The following ARHGAP28 variants were observed in gnomAD, a reference collection of about 807,000 sequenced individuals.
The protein encoded by ARHGAP28 is rho GTPase-activating protein 28.
Under a neutral mutation model 90.7 loss-of-function variants are expected in ARHGAP28, and 56 were observed. The observed-to-expected ratio is 0.62, with a 90% CI of 0.50 to 0.77. ARHGAP28 has a LOEUF of 0.77. Among genes scored for constraint, ARHGAP28 ranks in the 30% least tolerant of loss-of-function variants. ARHGAP28 has a pLI of 0.00. For synonymous variants in ARHGAP28, 308 were observed against 323.3 expected, an observed-to-expected ratio of 0.95 and a Z score of 0.51; for missense variants, 869 against 900.9, an observed-to-expected ratio of 0.96 and a Z score of 0.45.
intron 1 of ARHGAP28, among the ~76,000 whole-genome samples, chr18:6,735,442 A>C (rs553908825): frequency 6.6e-6 from 1 of 152,226 alleles, no homozygotes; most frequent in African/African-American, 2.4e-5. Context: ...CTGCAATCTG[A>C]CAGACTGTCC....
intron 1 of ARHGAP28, among the ~76,000 whole-genome samples, chr18:6,779,330 T>C (rs1440418841): frequency 2.0e-5 from 3 of 152,184 alleles, no homozygotes; most frequent in Non-Finnish European, 2.9e-5. Context: ...TCCTCCTCCA[T>C]CTGCTGATTA....
At chr18:6,743,066 G>A (rs989909452) in intron 1 of ARHGAP28, among the ~76,000 whole-genome samples, 1 of 152,052 alleles carries the variant, frequency 6.6e-6, no homozygotes, top group Admixed American at 6.6e-5. Context: ...AGAAAATACA[G>A]GCAGAAAGTA....
At chr18:6,854,871 C>T (rs4536541) in intron 4 of ARHGAP28, among the ~76,000 whole-genome samples, 1 of 152,094 alleles carries the variant, frequency 6.6e-6, no homozygotes, top group Non-Finnish European at 1.5e-5. Context: ...GGCCTCTCCC[C>T]GCTCCTGGCT....
chr18:6,730,612 G>A (rs1309862061), intron 1 of ARHGAP28, among the ~76,000 whole-genome samples: 1 of 152,150 alleles, frequency 6.6e-6, no homozygotes, highest in Admixed American at 6.5e-5. Context: ...ATTTAATCAA[G>A]GATCTATGTT....
At chr18:6,890,646 T>C in intron 14 of ARHGAP28, 103 bp downstream of exon 14, 1 of 647,888 alleles carries the variant, frequency 1.5e-6, no homozygotes, top group East Asian at 2.7e-5. Flanking sequence ...CATTTTATAT[T>C]CTCAAGGATC....
intron 1 of ARHGAP28, among the ~76,000 whole-genome samples, chr18:6,770,859 T>G (rs2056237123): frequency 6.6e-6 from 1 of 152,102 alleles, no homozygotes; most frequent in Non-Finnish European, 1.5e-5. Flanking sequence ...GAATGAAGAC[T>G]TGTGAAAGTC....
chr18:6,797,887 C>G (rs1356383948), intron 1 of ARHGAP28, among the ~76,000 whole-genome samples: 1 of 152,146 alleles, frequency 6.6e-6, no homozygotes, highest in Non-Finnish European at 1.5e-5. Context: ...GTCTCGATCT[C>G]CTCACCTTGT....
intron 5 of ARHGAP28, among the ~76,000 whole-genome samples, chr18:6,866,887 C>G (rs2057041998): frequency 6.6e-6 from 1 of 152,202 alleles, no homozygotes; most frequent in South Asian, 2.1e-4. Context: ...AGAGTCTTCT[C>G]TCCCATAGGT....
intron 1 of ARHGAP28, among the ~76,000 whole-genome samples, chr18:6,783,569 G>A (rs1166737035): frequency 6.6e-6 from 1 of 151,850 alleles, no homozygotes; most frequent in Non-Finnish European, 1.5e-5. Context: ...CCAAAGTGCT[G>A]GGATTACAGG....
chr18:6,770,920 C>G (rs535263721), intron 1 of ARHGAP28, among the ~76,000 whole-genome samples: 42 of 152,314 alleles, frequency 2.8e-4, no homozygotes, highest in African/African-American at 1.0e-3. Flanking sequence ...GATTCTTTTT[C>G]ATCAGCCCAA....
rs1242129598 is a variant in ARHGAP28 at position 6,859,834 on chromosome 18, T to C, written c.663T>C (p.Thr221=). 2 of 1,614,064 alleles carry C rather than the reference T, an allele frequency of 1.2e-6. No individual in the cohort carries two copies. The highest frequency in any genetic ancestry group is 2.7e-5 in the African/African-American group (2 of 74,938). The change falls in exon 5 of 18, where the codon ACT becomes ACC. Residue 221 remains threonine, a synonymous_variant. Coordinates refer to ENST00000383472, the MANE Select transcript of ARHGAP28 (RefSeq NM_001366230.1). ...SMPDDASLNS[T]TLSDASQDKE... ...CAGATGATGCTTCTCTCAACAGTACTACCCTGTCTGACGCATCCCAGGATA... is the reference window on the plus strand; with the variant it reads ...CAGATGATGCTTCTCTCAACAGTACCACCCTGTCTGACGCATCCCAGGATA...
intron 11 of ARHGAP28, among the ~76,000 whole-genome samples, chr18:6,885,508 C>G (rs140287391): frequency 6.6e-6 from 1 of 152,256 alleles, no homozygotes; most frequent in East Asian, 1.9e-4. Context: ...AATTAAAGGA[C>G]TAGTATCATC....
chr18:6,896,657 A>G, intron 16 of ARHGAP28, 31 bp downstream of exon 16: 3 of 1,611,430 alleles, frequency 1.9e-6, no homozygotes, highest in Non-Finnish European at 2.5e-6. Flanking sequence ...GTCTCTGCAC[A>G]AGAAGGAAAA....
Position 6,806,907 on chromosome 18 carries a change from A to G in ARHGAP28, c.123-17855A>G, listed in dbSNP as rs542860062. Among the ~76,000 whole-genome samples, 5 of 152,280 alleles carry G rather than the reference A, an allele frequency of 3.3e-5. No homozygotes were observed. In the South Asian group the frequency reaches 1.0e-3, roughly 32 times the overall value. ...TTGATAGTTTTTCTTCAAGTACTTAAAAGATGTTGTTATGCTATCTTTCAG... is the reference window on the plus strand; with the variant it reads ...TTGATAGTTTTTCTTCAAGTACTTAGAAGATGTTGTTATGCTATCTTTCAG... On this transcript the variant is annotated intron_variant, in intron 1 of 17. Transcript: ENST00000383472.
intron 1 of ARHGAP28, among the ~76,000 whole-genome samples, chr18:6,743,703 A>G (rs938544916): frequency 3.3e-5 from 5 of 152,250 alleles, no homozygotes; most frequent in Non-Finnish European, 7.3e-5. Context: ...GAAAGTAAAT[A>G]TATCCCCCAG....
intron 1 of ARHGAP28, among the ~76,000 whole-genome samples, chr18:6,764,363 T>C (rs2056184208): frequency 6.6e-6 from 1 of 152,100 alleles, no homozygotes. Flanking sequence ...TGAAAAACCA[T>C]AGTGTATGTA....
At chr18:6,767,304 TTAAAA>T (rs1261726983) in intron 1 of ARHGAP28, among the ~76,000 whole-genome samples, 1 of 152,178 alleles carries the variant, frequency 6.6e-6, no homozygotes, top group Non-Finnish European at 1.5e-5. Flanking sequence ...GTCATAAACC[TTAAAA>T]TACATTATCA....
intron 2 of ARHGAP28, among the ~76,000 whole-genome samples, 163 bp downstream of exon 2, chr18:6,825,127 G>C (rs1384060118): frequency 2.0e-5 from 3 of 152,114 alleles, no homozygotes; most frequent in Non-Finnish European, 4.4e-5. Flanking sequence ...TATATCTACT[G>C]TACTGGCTCA....
chr18:6,876,283 C>G, intron 10 of ARHGAP28, 75 bp downstream of exon 10: 1 of 1,107,004 alleles, frequency 9.0e-7, no homozygotes, highest in Admixed American at 1.7e-5. Flanking sequence ...ATCGGGGATC[C>G]AGATATTTGT....
Sources: allele counts gnomAD v4.1 joint callset (sites outside exome capture counted in the v4.1 genomes callset), GRCh38; gene constraint gnomAD v4.1.1; transcripts MANE v1.5; gene names NCBI Gene and HGNC (gene_info 2026-07-23, HGNC 2026-07-21).